APAF1: variants seen among roughly 807,000 people sequenced by gnomAD.
APAF1 encodes apoptotic peptidase activating factor 1.
In APAF1, 91 loss-of-function variants were observed where a neutral mutation model predicts 152.4. The ratio of observed to expected loss-of-function variants is 0.60; its 90% CI spans 0.50 to 0.71. The LOEUF is 0.71. APAF1 is among the 30% of genes least tolerant of loss of function. APAF1 has a pLI of 0.00. For synonymous variants in APAF1, 484 were observed against 494.1 expected (o/e 0.98, Z 0.27); for missense variants, 1,283 against 1,472.0 (o/e 0.87, Z 2.10).
Position 98,677,513 on chromosome 12 carries a change from C to T in APAF1, c.1882C>T (p.Gln628Ter), listed in dbSNP as rs1262178451. 6.2e-7 allele frequency: 1 copy of T among 1,614,126 alleles called. No homozygotes were observed. Among genetic ancestry groups the T allele is most frequent in the South Asian group, 1.1e-5 (1 of 91,074 alleles). Residue 628 changes from glutamine (Q) to a stop codon, truncating the protein, a stop_gained, in exon 13 of 27, where the codon CAG becomes TAG. Transcript: ENST00000551964. LOFTEE classifies it high-confidence loss of function. ...CCATGCCTGCTTTTCTGAGGATGGT[C>T]AGAGAATAGCTTCTTGTGGAGCTGA... ...VYHACFSEDG[Q>*]RIASCGADKT...
chr12:98,678,046 T>G (rs1192420080), intron 13 of APAF1, among the ~76,000 whole-genome samples: 1 of 151,640 alleles, frequency 6.6e-6, no homozygotes, highest in Non-Finnish European at 1.5e-5. Flanking sequence ...TATGTTTGTG[T>G]TCTGCCTTTT....
rs201629052 is a variant in APAF1, at chr12:98,665,730, A to C, written c.1133A>C (p.Asp378Ala). The C allele has an allele frequency of 4.3e-6, 7 of 1,614,172 alleles. No homozygotes were observed. The South Asian group carries it at 7.7e-5, about 18-fold the overall frequency. ...MSISVEMLRE[D>A]IKDYYTDLSI... ...ATAAGTGTTGAAATGCTCAGAGAAG[A>C]CATCAAAGATTATTACACAGATCTT... The change falls in exon 8 of 27, where the codon GAC (aspartate) becomes GCC (alanine). Residue 378 changes from aspartate to alanine, a missense_variant. Physicochemically the swap from Asp to Ala is moderately radical, Grantham distance 126 (BLOSUM62 -2). Transcript: ENST00000551964.
At position 98,732,552 on chromosome 12, in the gene APAF1, C is replaced by T. The variant is rs1176645020; in HGVS notation, c.3733C>T (p.Gln1245Ter). The change falls in exon 27 of 27, where the codon CAG becomes TAG. Residue 1245 changes from glutamine to a stop codon, truncating the protein, a stop_gained. Transcript: ENST00000551964. LOFTEE classifies it high-confidence loss of function. ...VDNLGILYIL[Q>*]TLE ...TAATCTTGGTATTTTATATATTTTA[C>T]AGACTTTAGAATAAAATAGTTAAGC... 4 of 1,566,444 alleles carry T rather than the reference C, an allele frequency of 2.6e-6. No homozygotes were observed. Among genetic ancestry groups the T allele is most frequent in the Admixed American group, 1.7e-5 (1 of 59,856 alleles).
chr12:98,713,822 T>C (rs898230893), intron 21 of APAF1, among the ~76,000 whole-genome samples: 5 of 152,228 alleles, frequency 3.3e-5, no homozygotes, highest in African/African-American at 1.2e-4. Context: ...CTAGTCCATA[T>C]GGCCCCACAG....
intron 9 of APAF1, among the ~76,000 whole-genome samples, chr12:98,666,664 A>G (rs2097673165): frequency 6.6e-6 from 1 of 152,050 alleles, no homozygotes; most frequent in Non-Finnish European, 1.5e-5. Flanking sequence ...GTGAAAATTT[A>G]TCAGTCTTTA....
In APAF1 at chr12:98,712,964, T is replaced by A. The variant is rs918474096; in HGVS notation, c.2958+529T>A. Among the ~76,000 whole-genome samples the A allele has an allele frequency of 5.9e-5, 9 of 151,970 alleles. No homozygotes were observed. The East Asian group carries it at 1.7e-3, about 30-fold the overall frequency. On this transcript the variant is annotated intron_variant, in intron 21 of 26. Transcript: ENST00000551964. ...TGCTGAGTAACTGGGACTTCAGGTA[T>A]GCACCACCACACCTAGCTAATTTTT...
chr12:98,700,308 A>G (rs1280203392), intron 17 of APAF1, among the ~76,000 whole-genome samples: 1 of 152,250 alleles, frequency 6.6e-6, no homozygotes, highest in African/African-American at 2.4e-5. Flanking sequence ...CTTCTGATTT[A>G]TGGCTCACTT....
intron 4 of APAF1, among the ~76,000 whole-genome samples, chr12:98,655,555 GAAAA>G (rs1166087388): frequency 1.3e-5 from 2 of 152,168 alleles, no homozygotes; most frequent in Non-Finnish European, 2.9e-5. Flanking sequence ...CATTTAAAAA[GAAAA>G]AGAAATAAAA....
chr12:98,654,813 TTTC>T (rs1370357784), intron 4 of APAF1, among the ~76,000 whole-genome samples: 166 of 125,232 alleles, frequency 1.3e-3, no homozygotes, highest in African/African-American at 4.4e-3. Flanking sequence ...AAAGTAGTAT[TTTC>T]TTTTTTTTTT....
At chr12:98,658,574 T>C (rs921719598) in intron 4 of APAF1, among the ~76,000 whole-genome samples, 1 of 152,236 alleles carries the variant, frequency 6.6e-6, no homozygotes, top group Non-Finnish European at 1.5e-5. Flanking sequence ...AGAGCCAGAC[T>C]TGAGTCTAAC....
At chr12:98,653,687 A>AT (rs2097652200) in intron 4 of APAF1, among the ~76,000 whole-genome samples, 9 of 31,696 alleles carry the variant, frequency 2.8e-4, no homozygotes, top group Non-Finnish European at 5.1e-4. Context: ...AAAAAAAAAA[A>AT]AAAAATATAT....
At chr12:98,712,088 A>T (rs1337620148) in intron 20 of APAF1, among the ~76,000 whole-genome samples, 1 of 152,190 alleles carries the variant, frequency 6.6e-6, no homozygotes, top group East Asian at 1.9e-4. Flanking sequence ...AAACCTTGTA[A>T]TGCTTGTTTT....
rs559303001 is a variant in APAF1 at position 98,695,774 on chromosome 12, T to G, written c.2305-3634T>G. Among the ~76,000 whole-genome samples, 10 of 152,328 alleles carry G rather than the reference T, an allele frequency of 6.6e-5. No homozygotes were observed. In the East Asian group the frequency reaches 1.9e-3, roughly 29 times the overall value. On this transcript the variant is annotated intron_variant, in intron 16 of 26. Coordinates refer to ENST00000551964, the MANE Select transcript of APAF1 (RefSeq NM_181861.2). ...TGGACTTTTAAAGATTCCTCTTGAC[T>G]TAGCTTCACCTTTATCAGAAGGTAC...
rs546352259 is a variant in APAF1, at chr12:98,720,716, G to A, written c.3085-2477G>A. ...TGCGGTGGCTCACGCCTGTAATCCCGGCACTTTGGGAGGCCGAGGCGGGCG... is the reference window on the plus strand; with the variant it reads ...TGCGGTGGCTCACGCCTGTAATCCCAGCACTTTGGGAGGCCGAGGCGGGCG... On this transcript the variant is annotated intron_variant, in intron 22 of 26. Coordinates refer to ENST00000551964, the MANE Select transcript of APAF1 (RefSeq NM_181861.2). Among the ~76,000 whole-genome samples, 228 of 152,156 alleles carry A rather than the reference G, an allele frequency of 1.5e-3. 1 individual carries two copies. Among genetic ancestry groups the A allele is most frequent in the African/African-American group, 4.8e-3 (201 of 41,534 alleles).
At position 98,665,761 on chromosome 12, in the gene APAF1, C is replaced by T. The variant is rs774596730; in HGVS notation, c.1164C>T (p.Ile388=). Residue 388 remains isoleucine (I), a synonymous_variant, in exon 8 of 27, where the codon ATC becomes ATT. Transcript: ENST00000551964. The part of the protein sequence containing the change: ...DIKDYYTDLS[I]LQKDVKVPTK... The stretch of plus-strand genomic sequence containing the variant: ...AAGATTATTACACAGATCTTTCCAT[C>T]CTTCAGAAGGACGTTAAGGTGCCTA... The T allele has an allele frequency of 9.9e-6, 16 of 1,613,728 alleles. No homozygotes were observed. In the South Asian group the frequency reaches 1.6e-4, roughly 17 times the overall value.
intron 14 of APAF1, among the ~76,000 whole-genome samples, chr12:98,682,885 A>G (rs934160469): frequency 6.6e-6 from 1 of 152,214 alleles, no homozygotes. Context: ...TGCCCTTAAG[A>G]AATGTCATGT....
rs970630052 is a variant in APAF1 at position 98,729,308 on chromosome 12, G to A, written c.3600+1992G>A. On this transcript the variant is annotated intron_variant, in intron 26 of 26. Coordinates refer to ENST00000551964, the MANE Select transcript of APAF1 (RefSeq NM_181861.2). ...ACAATTTTTCCACAGATGGGGTGGT[G>A]GTAGGAAGTGGGGAGCGGGGAATGG... Among the ~76,000 whole-genome samples, 3 of 152,324 alleles carry A rather than the reference G, an allele frequency of 2.0e-5. No homozygotes were observed. In the South Asian group the frequency reaches 6.2e-4, roughly 32 times the overall value.
chr12:98,680,916 T>C (rs1202262188), intron 14 of APAF1, among the ~76,000 whole-genome samples: 1 of 152,252 alleles, frequency 6.6e-6, no homozygotes, highest in Non-Finnish European at 1.5e-5. Context: ...ATTCCTGTTG[T>C]AAGATACAAT....
chr12:98,708,178 C>T (rs921610515), intron 19 of APAF1, among the ~76,000 whole-genome samples: 1 of 152,198 alleles, frequency 6.6e-6, no homozygotes, highest in African/African-American at 2.4e-5. Context: ...CTCCTGACCT[C>T]AGGTGATCTA....
Sources: allele counts gnomAD v4.1 joint callset (sites outside exome capture counted in the v4.1 genomes callset), GRCh38; gene constraint gnomAD v4.1.1; transcripts MANE v1.5; gene names NCBI Gene and HGNC (gene_info 2026-07-23, HGNC 2026-07-21).